The following MYO7B variants were observed in gnomAD, a reference collection of about 807,000 sequenced individuals.
MYO7B encodes unconventional myosin-VIIb.
A neutral mutation model predicts 259.7 loss-of-function variants in MYO7B; 212 were observed. The observed-to-expected ratio is 0.82, with a 90% confidence interval of 0.73 to 0.91. MYO7B has a LOEUF of 0.91. MYO7B is among the 40% of genes least tolerant of loss of function. MYO7B has a pLI of 0.00. For synonymous variants in MYO7B, 1,197 were observed against 1,166.4 expected (o/e 1.03, Z -0.54); for missense variants, 2,732 against 2,813.5 (o/e 0.97, Z 0.66).
chr2:127,596,041 A>G (rs1679757701), intron 18 of MYO7B, among the ~76,000 whole-genome samples: 1 of 152,164 alleles, frequency 6.6e-6, no homozygotes, highest in South Asian at 2.1e-4. Context: ...TGATCTGTCT[A>G]ATATTGACAG....
At chr2:127,566,608 G>C in intron 4 of MYO7B, 35 bp from the exon 5 acceptor site, 1 of 1,521,370 alleles carries the variant, frequency 6.6e-7, no homozygotes, top group South Asian at 1.2e-5. Context: ...CCTCTGCCAG[G>C]GGCAGAGGGC....
At position 127,576,212 on chromosome 2, in the gene MYO7B, A is replaced by G. The variant is rs78949351; in HGVS notation, c.736-383A>G. ...AGACCTTCTCTCGGAAAAAAAAAAA[A>G]TACTGAAGGCCTAGGGAGCCCCGTG... On this transcript the variant is annotated intron_variant, in intron 7 of 47. Coordinates refer to ENST00000409816, the MANE Select transcript of MYO7B (RefSeq NM_001393586.1). This position sits in a 1 kb window ranked among gnomAD's most constrained non-coding sequence, Gnocchi z 4.9. 6.6e-6 allele frequency among the ~76,000 whole-genome samples: 1 copy of G among 151,830 alleles called. No homozygotes were observed. The highest frequency in any genetic ancestry group is 1.5e-5 in the Non-Finnish European group (1 of 67,952).
intron 1 of MYO7B, among the ~76,000 whole-genome samples, chr2:127,551,560 G>A (rs1693444227): frequency 6.6e-6 from 1 of 152,204 alleles, no homozygotes; most frequent in South Asian, 2.1e-4. Flanking sequence ...CACTCGAGAT[G>A]GGGTGAATTA....
In MYO7B at chr2:127,564,218, CAA is replaced by C. The variant is rs772157244; in HGVS notation, c.86_87del (p.Lys29ArgfsTer10). Reference sequence around the variant, plus strand: ...CCGGCGTGGCCATCGGGGGCATCATCAAAGAGGCAAAGCCAGGCAAAGTCTTG... The same window carrying C: ...CCGGCGTGGCCATCGGGGGCATCATCAGAGGCAAAGCCAGGCAAAGTCTTG... ...KTGVAIGGII[K>X]EAKPGKVLVE... On this transcript the variant is annotated frameshift_variant, in exon 3 of 48. Coordinates refer to ENST00000409816, the MANE Select transcript of MYO7B (RefSeq NM_001393586.1). LOFTEE classifies it high-confidence loss of function. The C allele has an allele frequency of 1.3e-6, 2 of 1,581,088 alleles. No homozygotes were observed. The highest frequency in any genetic ancestry group is 4.6e-5 in the East Asian group (2 of 43,046).
At chr2:127,552,752 T>A (rs1383934683) in intron 1 of MYO7B, among the ~76,000 whole-genome samples, 1 of 152,086 alleles carries the variant, frequency 6.6e-6, no homozygotes, top group Non-Finnish European at 1.5e-5. Flanking sequence ...GAAGCAACAA[T>A]GGGCAGCCAG....
At chr2:127,563,159 G>A (rs1490336155) in intron 2 of MYO7B, among the ~76,000 whole-genome samples, 2 of 151,954 alleles carry the variant, frequency 1.3e-5, no homozygotes, top group African/African-American at 4.8e-5. Context: ...CCTACTCTTT[G>A]GTCAGTTTTT....
At chr2:127,617,353 CAA>C (rs1048969063) in intron 26 of MYO7B, among the ~76,000 whole-genome samples, 2 of 151,960 alleles carry the variant, frequency 1.3e-5, no homozygotes, top group Non-Finnish European at 2.9e-5. Context: ...AAACTCCAAA[CAA>C]AAAAGAGAAG....
Position 127,628,198 on chromosome 2 carries a change from G to T in MYO7B, c.4461-174G>T. 2.5e-6 allele frequency: 2 copies of T among 793,976 alleles called. No individual in the cohort carries two copies. The highest frequency in any genetic ancestry group is 4.2e-6 in the Non-Finnish European group (2 of 471,082). 49.2% of individuals were successfully genotyped at this position (793,976 alleles called of 1,614,324 possible). On this transcript the variant is annotated intron_variant, in intron 33 of 47. Transcript: ENST00000409816. The surrounding 1 kb of genome is among the most constrained non-coding windows in gnomAD (Gnocchi z 4.8). ...CCTCCGAGAGGTCCTGTGCTCCGCC[G>T]TCCTTCATTTGTCCAGACCCACAGT...
At chr2:127,587,761 G>GT (rs1303024196) in intron 14 of MYO7B, among the ~76,000 whole-genome samples, 1 of 151,872 alleles carries the variant, frequency 6.6e-6, no homozygotes, top group East Asian at 1.9e-4. Context: ...TAGAGACAGG[G>GT]TTTCACCATG....
intron 5 of MYO7B, 114 bp downstream of exon 5, chr2:127,566,941 A>T: frequency 8.8e-7 from 1 of 1,136,830 alleles, no homozygotes; most frequent in South Asian, 1.6e-5. Context: ...GCACACACCC[A>T]TCTCCACAGC....
chr2:127,624,133 C>T lies in MYO7B; in HGVS notation c.3860C>T (p.Ala1287Val). The T allele has an allele frequency of 6.3e-7, 1 of 1,590,084 alleles. No individual in the cohort carries two copies. The highest frequency in any genetic ancestry group is 8.6e-7 in the Non-Finnish European group (1 of 1,169,126). ...LGSGRDHMMD[A>V]IARCEQMAQE... ...AGCGGGCGCGACCACATGATGGATG[C>T]CATCGCCCGGTGTGAGCAGATGGCC... Residue 1287 changes from alanine (A) to valine (V), a missense_variant, in exon 30 of 48, where the codon GCC (alanine) becomes GTC (valine). Ala to Val is a moderately conservative substitution (Grantham distance 64). Coordinates refer to ENST00000409816, the MANE Select transcript of MYO7B (RefSeq NM_001393586.1).
At chr2:127,568,578 G>A (rs1378584579) in intron 5 of MYO7B, among the ~76,000 whole-genome samples, 1 of 152,144 alleles carries the variant, frequency 6.6e-6, no homozygotes, top group East Asian at 1.9e-4. Context: ...GTGATTGTGG[G>A]TATTTTGATC....
intron 12 of MYO7B, 148 bp downstream of exon 12, chr2:127,582,594 C>A: frequency 1.1e-6 from 1 of 906,808 alleles, no homozygotes; most frequent in Non-Finnish European, 1.6e-6. Context: ...CATGGGGTGG[C>A]TGCTGTCCCC....
rs1393244248 is a variant in MYO7B at position 127,628,754 on chromosome 2, C to A, written c.4624+219C>A. The stretch of plus-strand genomic sequence containing the variant: ...AAAATGAGGGGCTAAAGGAGGTGGT[C>A]TCCAGCCCTGCATAGGCCAGCCATG... On this transcript the variant is annotated intron_variant, in intron 34 of 47. Transcript: ENST00000409816. The surrounding 1 kb of genome is among the most constrained non-coding windows in gnomAD (Gnocchi z 4.8). Among the ~76,000 whole-genome samples the A allele has an allele frequency of 6.6e-6, 1 of 152,228 alleles. No homozygotes were observed. The highest frequency in any genetic ancestry group is 1.9e-4 in the East Asian group (1 of 5,196).
chr2:127,594,624 A>G (rs1679694509), intron 18 of MYO7B, among the ~76,000 whole-genome samples: 1 of 152,166 alleles, frequency 6.6e-6, no homozygotes, highest in South Asian at 2.1e-4. Flanking sequence ...AATGGCTCTT[A>G]TTATTTTGAG....
At chr2:127,538,725 C>A (rs1692889934) in intron 1 of MYO7B, among the ~76,000 whole-genome samples, 1 of 152,002 alleles carries the variant, frequency 6.6e-6, no homozygotes, top group Admixed American at 6.6e-5. Flanking sequence ...ACCACCACGC[C>A]CGGCTAATTT....
intron 26 of MYO7B, 82 bp from the exon 27 acceptor site, chr2:127,620,258 C>G (rs2248519): frequency 0.58 from 869,146 of 1,508,626 alleles, 259,812 homozygotes; most frequent in African/African-American, 0.91. Context: ...CAGAGGTGCA[C>G]AAGAGCTGTG....
Position 127,628,096 on chromosome 2 carries a change from C to A in MYO7B, c.4461-276C>A. 1.6e-6 allele frequency: 1 copy of A among 619,394 alleles called. No homozygotes were observed. The highest frequency in any genetic ancestry group is 3.0e-6 in the Non-Finnish European group (1 of 331,998). 38.4% of individuals were successfully genotyped at this position (619,394 alleles called of 1,614,324 possible). A position where few individuals can be genotyped will look rare whatever the true frequency, so the allele number is the denominator to read the frequency against. On this transcript the variant is annotated intron_variant, in intron 33 of 47. Coordinates refer to ENST00000409816, the MANE Select transcript of MYO7B (RefSeq NM_001393586.1). The surrounding 1 kb of genome is among the most constrained non-coding windows in gnomAD (Gnocchi z 4.8). ...TCTCAGCTCTGACCTTTGCAGTGTC[C>A]CTGCGGTGTCACTGCACACCAGCCA...
At chr2:127,572,925 C>G (rs1678706065) in intron 6 of MYO7B, among the ~76,000 whole-genome samples, 1 of 143,762 alleles carries the variant, frequency 7.0e-6, no homozygotes, top group Non-Finnish European at 1.5e-5. Flanking sequence ...ATCAGCCTGT[C>G]AGTTAGTACC....
Sources: allele counts gnomAD v4.1 joint callset (sites outside exome capture counted in the v4.1 genomes callset), GRCh38; gene constraint gnomAD v4.1.1; non-coding constraint Gnocchi (gnomAD v3.1); transcripts MANE v1.5; gene names NCBI Gene and HGNC (gene_info 2026-07-23, HGNC 2026-07-21).